WDR72: variants seen among roughly 807,000 people sequenced by gnomAD.
WDR72 encodes the protein WD repeat-containing protein 72.
In WDR72, 120 loss-of-function variants were observed where a neutral mutation model predicts 124.2. The observed-to-expected ratio is 0.97, with a 90% CI of 0.83 to 1.12. WDR72 has a LOEUF of 1.12. Among genes scored for constraint, WDR72 ranks in the 50% most tolerant of loss-of-function variants. The pLI, the probability that WDR72 is intolerant of heterozygous loss-of-function variation, is 0.00. For synonymous variants in WDR72, 452 were observed against 441.7 expected, an observed-to-expected ratio of 1.02 and a Z score of -0.29; for missense variants, 1,387 against 1,278.8, an observed-to-expected ratio of 1.08 and a Z score of -1.29.
At chr15:53,760,335 C>A (rs1458618950), upstream of WDR72, among the ~76,000 whole-genome samples, 5 of 148,724 alleles carry the variant, frequency 3.4e-5, no homozygotes, top group South Asian at 2.2e-4. Context: ...CCCCCCACTA[C>A]CCTTCACAGC....
At chr15:53,756,780 A>C (rs1305913133) in intron 1 of WDR72, 1 of 152,242 alleles carries the variant, frequency 6.6e-6, no homozygotes, top group East Asian at 1.9e-4. Flanking sequence ...GAAGAAAATG[A>C]GTCTTGGAGA....
chr15:53,554,648 A>AT (rs1893860939), intron 18 of WDR72, among the ~76,000 whole-genome samples: 1 of 152,140 alleles, frequency 6.6e-6, no homozygotes, highest in South Asian at 2.1e-4. Context: ...AATTAGTAAC[A>AT]TGGAATACTA....
intron 1 of WDR72, 196 bp downstream of exon 1, chr15:53,759,437 C>CG (rs1555432129): frequency 2.0e-5 from 3 of 152,030 alleles, no homozygotes; most frequent in Non-Finnish European, 4.4e-5. Flanking sequence ...GAACTTAGAG[C>CG]AAAGGAAGGG....
chr15:53,690,930 A>G (rs2016817725), intron 13 of WDR72, among the ~76,000 whole-genome samples: 1 of 152,176 alleles, frequency 6.6e-6, no homozygotes, highest in Non-Finnish European at 1.5e-5. Context: ...GCAATGTACA[A>G]GGGTTCCTAT....
chr15:53,726,177 AAT>A (rs34029897), intron 2 of WDR72, among the ~76,000 whole-genome samples: 41,354 of 140,060 alleles, frequency 0.3, 7,293 homozygotes, highest in East Asian at 0.45. Context: ...AATTGGTTGT[AAT>A]ATATATATAT....
At chr15:53,567,520 T>A (rs898786384) in intron 18 of WDR72, among the ~76,000 whole-genome samples, 4 of 152,042 alleles carry the variant, frequency 2.6e-5, no homozygotes, top group Middle Eastern at 3.2e-3. Context: ...CTGTTGCATA[T>A]CCATGCAGGA....
At chr15:53,604,890 G>T (rs752920051) in intron 17 of WDR72, among the ~76,000 whole-genome samples, 40 of 152,134 alleles carry the variant, frequency 2.6e-4, no homozygotes, top group African/African-American at 9.7e-4. Flanking sequence ...ATTGTTGGTG[G>T]GAATGTAAAT....
chr15:53,750,014 A>C lies in WDR72; in HGVS notation c.-13+9619T>G, dbSNP rs140631183. ...GATGAAGCAGCAAGTGCTGATGGAG[A>C]AGCTACAGAAAGTTATCTAGAAGCT... On this transcript the variant is annotated intron_variant, in intron 1 of 19. Coordinates refer to ENST00000360509, the MANE Select transcript of WDR72 (RefSeq NM_182758.4). 5.7e-4 allele frequency among the ~76,000 whole-genome samples: 87 copies of C among 152,340 alleles called. 2 individuals carry two copies. The highest frequency in any genetic ancestry group is 2.0e-3 in the African/African-American group (82 of 41,594).
chr15:53,706,478 A>T (rs1447959789), intron 9 of WDR72, among the ~76,000 whole-genome samples: 1 of 149,780 alleles, frequency 6.7e-6, no homozygotes, highest in Non-Finnish European at 1.5e-5. Flanking sequence ...AATTGGTACT[A>T]TCATTGTTTT....
chr15:53,568,072 GTT>G (rs66751840), intron 18 of WDR72, among the ~76,000 whole-genome samples: 16,062 of 138,014 alleles, frequency 0.12, 1,280 homozygotes, highest in African/African-American at 0.23. Context: ...TTTTTGTCTT[GTT>G]TTTTTTTTTT....
At chr15:53,748,344 A>G (rs765439650) in intron 1 of WDR72, among the ~76,000 whole-genome samples, 4 of 152,208 alleles carry the variant, frequency 2.6e-5, no homozygotes, top group Non-Finnish European at 5.9e-5. Context: ...TGCCTTAAGT[A>G]TTAATTAAAC....
intron 14 of WDR72, among the ~76,000 whole-genome samples, chr15:53,627,653 T>A (rs537221956): frequency 6.6e-6 from 1 of 152,296 alleles, no homozygotes; most frequent in East Asian, 1.9e-4. Context: ...TCTTTCAAAT[T>A]CTTTTCTAGA....
At chr15:53,689,215 G>C (rs1370568923) in intron 13 of WDR72, among the ~76,000 whole-genome samples, 1 of 151,872 alleles carries the variant, frequency 6.6e-6, no homozygotes, top group East Asian at 1.9e-4. Flanking sequence ...ATTGACAAAT[G>C]GGATCTAATT....
At chr15:53,675,536 G>A (rs1049542254) in intron 13 of WDR72, among the ~76,000 whole-genome samples, 3 of 152,042 alleles carry the variant, frequency 2.0e-5, no homozygotes, top group Admixed American at 2.0e-4. Flanking sequence ...CTGCTACTGA[G>A]TATTTCAAAA....
At chr15:53,657,060 CG>C (rs1229911142) in intron 14 of WDR72, among the ~76,000 whole-genome samples, 11 of 151,664 alleles carry the variant, frequency 7.3e-5, no homozygotes, top group Non-Finnish European at 1.2e-4. Flanking sequence ...GTCAGGAGAT[CG>C]AGACCATCCT....
chr15:53,526,885 C>T (rs1205175548), intron 18 of WDR72, among the ~76,000 whole-genome samples: 1 of 152,018 alleles, frequency 6.6e-6, no homozygotes, highest in Non-Finnish European at 1.5e-5. Context: ...AAGGCAAACT[C>T]TTCTTGACAG....
rs185103111 is a variant in WDR72 at position 53,516,850 on chromosome 15, T to C, written c.*849A>G. 21 of 152,222 alleles carry C rather than the reference T, an allele frequency of 1.4e-4. No homozygotes were observed. Among genetic ancestry groups the C allele is most frequent in the Admixed American group, 1.3e-3 (20 of 15,270 alleles). The allele number at this position is 152,222 out of a possible 1,614,324, so 9.4% of individuals were successfully genotyped here. The stretch of plus-strand genomic sequence containing the variant: ...CAAAGGCTTTAATAGAAGAGCACTT[T>C]ATGTCTATTCCTATTTATGCTGTTT... On this transcript the variant is annotated 3_prime_UTR_variant, in exon 20 of 20. Coordinates refer to ENST00000360509, the MANE Select transcript of WDR72 (RefSeq NM_182758.4).
intron 1 of WDR72, among the ~76,000 whole-genome samples, chr15:53,752,688 A>G (rs1300565040): frequency 6.6e-6 from 1 of 152,196 alleles, no homozygotes; most frequent in Non-Finnish European, 1.5e-5. Flanking sequence ...TTCCTAGAAA[A>G]GTAATACAGC....
intron 18 of WDR72, among the ~76,000 whole-genome samples, chr15:53,569,664 G>C (rs1894435056): frequency 6.6e-6 from 1 of 152,024 alleles, no homozygotes; most frequent in African/African-American, 2.4e-5. Context: ...GAAGCACCTG[G>C]ATGTCTTTAA....
Sources: gnomAD v4.1 joint callset for allele counts (sites outside exome capture counted in the v4.1 genomes callset) on GRCh38, gnomAD v4.1.1 for gene constraint, MANE v1.5 for transcripts, NCBI Gene and HGNC (gene_info 2026-07-23, HGNC 2026-07-21) for gene names.